CUBN: variants seen among roughly 807,000 people sequenced by gnomAD.
CUBN encodes the protein 460 kDa receptor.
Under a neutral mutation model 405.3 loss-of-function variants are expected in CUBN, and 282 were observed. The ratio of observed to expected loss-of-function variants is 0.70; its 90% confidence interval spans 0.63 to 0.77. CUBN has a LOEUF of 0.77. Among genes scored for constraint, CUBN ranks in the 30% least tolerant of loss-of-function variants. The pLI, the probability that CUBN is intolerant of heterozygous loss-of-function variation, is 0.00. For missense variants in CUBN, 4,514 were observed against 4,475.2 expected, an observed-to-expected ratio of 1.01 and a Z score of -0.25; for synonymous variants, 1,684 against 1,617.0, an observed-to-expected ratio of 1.04 and a Z score of -0.99.
At chr10:17,003,240 T>C (rs1234540990) in intron 28 of CUBN, among the ~76,000 whole-genome samples, 1 of 152,186 alleles carries the variant, frequency 6.6e-6, no homozygotes, top group Non-Finnish European at 1.5e-5. Context: ...GGATGGGTGC[T>C]TTACCATTTC....
At chr10:16,900,314 T>G (rs1038726051) in intron 53 of CUBN, among the ~76,000 whole-genome samples, 1 of 152,264 alleles carries the variant, frequency 6.6e-6, no homozygotes, top group African/African-American at 2.4e-5. Context: ...CTTTTGCCGA[T>G]GAAGGCAGCA....
intron 18 of CUBN, 27 bp from the exon 19 acceptor site, chr10:17,071,631 C>A (rs561975137): frequency 1.2e-6 from 2 of 1,600,044 alleles, no homozygotes; most frequent in East Asian, 4.5e-5. Flanking sequence ...TATAGTAGTG[C>A]TTGTCCAGAT....
rs112675306 is a variant in CUBN at position 17,045,076 on chromosome 10, G to A, written c.3603C>T (p.Ser1201=). Residue 1201 remains serine, a synonymous_variant, in exon 25 of 67, where the codon AGC becomes AGT. Transcript: ENST00000377833. ...CYWWLKSSHG[S]AFELEFKDFH... is the part of the protein sequence containing the mutation. ...AGTCTTTGAATTCCAGTTCAAATGC[G>A]CTGCCGTGGCTAGATTTCAACCACC... The A allele has an allele frequency of 9.9e-5, 159 of 1,614,060 alleles. 1 individual carries two copies. The African/African-American group carries it at 1.1e-3, about 12-fold the overall frequency.
chr10:16,896,354 T>A (rs189515490), intron 54 of CUBN, among the ~76,000 whole-genome samples: 1 of 152,360 alleles, frequency 6.6e-6, no homozygotes, highest in Non-Finnish European at 1.5e-5. Context: ...GTAGGTTTCC[T>A]AGTGATAATT....
chr10:16,990,237 C>T, intron 29 of CUBN, 97 bp downstream of exon 29: 1 of 1,121,128 alleles, frequency 8.9e-7, no homozygotes, highest in Non-Finnish European at 1.4e-6. Flanking sequence ...GAATAGAACA[C>T]TGCTGACTAC....
chr10:16,951,416 TG>T, intron 33 of CUBN, among the ~76,000 whole-genome samples: 1 of 152,348 alleles, frequency 6.6e-6, no homozygotes, highest in East Asian at 1.9e-4. Flanking sequence ...TTAGCTTAAG[TG>T]ACTTCCCTAT....
intron 56 of CUBN, 28 bp downstream of exon 56, chr10:16,888,389 C>T (rs764064849): frequency 4.5e-5 from 72 of 1,582,594 alleles, no homozygotes; most frequent in East Asian, 3.4e-4. Flanking sequence ...GTCAATTAAA[C>T]GTAATTTTTT....
At chr10:17,061,693 T>C (rs1270600548) in intron 22 of CUBN, among the ~76,000 whole-genome samples, 1 of 152,204 alleles carries the variant, frequency 6.6e-6, no homozygotes, top group Non-Finnish European at 1.5e-5. Flanking sequence ...GGCTCATCTC[T>C]AATCCTGTGT....
chr10:16,921,817 G>A (rs770975175), intron 43 of CUBN, among the ~76,000 whole-genome samples: 2 of 152,126 alleles, frequency 1.3e-5, no homozygotes, highest in African/African-American at 2.4e-5. Flanking sequence ...TGATTATTCC[G>A]TATTTACAGA....
chr10:16,965,297 A>T (rs981346840), intron 31 of CUBN, among the ~76,000 whole-genome samples: 2 of 152,242 alleles, frequency 1.3e-5, no homozygotes, highest in African/African-American at 4.8e-5. Flanking sequence ...TCTAAAATGT[A>T]ACATCACATA....
At position 16,890,513 on chromosome 10, in the gene CUBN, A is replaced by C. The variant is rs775837120; in HGVS notation, c.8613T>G (p.Thr2871=). ...QNSFVKVWAG[T]EEVDKALLAT... Reference sequence around the variant, plus strand: ...CTAGCAGGGCTTTGTCCACCTCCTCAGTTCCTGCCCACACCTAGCACGGAC... The same window carrying C: ...CTAGCAGGGCTTTGTCCACCTCCTCCGTTCCTGCCCACACCTAGCACGGAC... Residue 2871 remains threonine, a synonymous_variant, in exon 55 of 67, where the codon ACT becomes ACG. Coordinates refer to ENST00000377833, the MANE Select transcript of CUBN (RefSeq NM_001081.4). 3.3e-5 allele frequency: 53 copies of C among 1,614,184 alleles called. No homozygotes were observed. The East Asian group carries it at 9.8e-4, about 30-fold the overall frequency.
chr10:16,936,920 T>C (rs1003455684), intron 39 of CUBN, among the ~76,000 whole-genome samples: 1 of 152,112 alleles, frequency 6.6e-6, no homozygotes, highest in African/African-American at 2.4e-5. Flanking sequence ...TTTTGCCATG[T>C]TGGCCAGGCT....
intron 54 of CUBN, 126 bp from the exon 55 acceptor site, chr10:16,890,653 G>T: frequency 1.1e-6 from 1 of 927,698 alleles, no homozygotes; most frequent in Non-Finnish European, 1.8e-6. Context: ...ACAAAACATG[G>T]ACAAATCTGT....
intron 21 of CUBN, 121 bp from the exon 22 acceptor site, chr10:17,065,759 T>C: frequency 8.6e-7 from 1 of 1,163,212 alleles, no homozygotes; most frequent in Non-Finnish European, 1.3e-6. Context: ...CTCATCAACC[T>C]TAAAACACAA....
At chr10:17,057,691 A>G (rs1337510115) in intron 22 of CUBN, among the ~76,000 whole-genome samples, 1 of 152,116 alleles carries the variant, frequency 6.6e-6, no homozygotes, top group Non-Finnish European at 1.5e-5. Context: ...CTGGGAAAAA[A>G]AAGCTCAACT....
intron 4 of CUBN, among the ~76,000 whole-genome samples, chr10:17,124,831 T>C (rs1255804561): frequency 1.3e-5 from 2 of 151,826 alleles, no homozygotes; most frequent in African/African-American, 4.8e-5. Flanking sequence ...ATCGTTGTTT[T>C]GTTTGTTTGT....
rs754326523 is a variant in CUBN, at chr10:17,100,221, T to C, written c.1549A>G (p.Thr517Ala). The C allele has an allele frequency of 2.2e-5, 35 of 1,612,414 alleles. No homozygotes were observed. Among genetic ancestry groups the C allele is most frequent in the Non-Finnish European group, 2.9e-5 (34 of 1,178,510 alleles). Reference sequence around the variant, plus strand: ...TCCATGGATTCTAACCGGAAAAAAGTGAAAGTGATACGCAGGACCTAAAAA... The same window carrying C: ...TCCATGGATTCTAACCGGAAAAAAGCGAAAGTGATACGCAGGACCTAAAAA... ...EMGKVLRITF[T>A]FFRLESMDNC... Residue 517 changes from threonine (T) to alanine (A), a missense_variant, in exon 14 of 67, where the codon ACT becomes GCT. By Grantham distance (58) the Thr-to-Ala change is moderately conservative. Around this residue, in one of 5 missense-constraint regions of CUBN, gnomAD observed 1,448 missense variants for 1,388.0 expected, o/e 1.04. Coordinates refer to ENST00000377833, the MANE Select transcript of CUBN (RefSeq NM_001081.4).
At chr10:16,867,176 G>T (rs1840211805) in intron 59 of CUBN, among the ~76,000 whole-genome samples, 1 of 152,110 alleles carries the variant, frequency 6.6e-6, no homozygotes, top group Non-Finnish European at 1.5e-5. Context: ...TGTTTTCCAG[G>T]CTGAGCAAAC....
intron 26 of CUBN, 99 bp from the exon 27 acceptor site, chr10:17,041,319 G>T: frequency 1.1e-6 from 1 of 918,852 alleles, no homozygotes; most frequent in Non-Finnish European, 1.8e-6. Flanking sequence ...AATCATCTGT[G>T]TATGTACACA....
Sources: allele counts gnomAD v4.1 joint callset (sites outside exome capture counted in the v4.1 genomes callset), GRCh38; gene constraint gnomAD v4.1.1; regional missense constraint gnomAD v4.1.1; transcripts MANE v1.5; gene names NCBI Gene and HGNC (gene_info 2026-07-23, HGNC 2026-07-21).